Variants in WBP2NL observed in about 807,000 individuals in gnomAD.
WBP2NL encodes the protein WBP2 N-terminal like.
In WBP2NL, 27 loss-of-function variants were observed where a neutral mutation model predicts 23.3. The observed-to-expected ratio is 1.16, with a 90% CI of 0.85 to 1.60. WBP2NL has a LOEUF of 1.60. Ranked by LOEUF, WBP2NL falls within the 40% of genes most tolerant of loss-of-function variation. WBP2NL has a pLI of 0.00. For synonymous variants in WBP2NL, 151 were observed against 145.9 expected, an observed-to-expected ratio of 1.03 and a Z score of -0.25; for missense variants, 370 against 389.5, an observed-to-expected ratio of 0.95 and a Z score of 0.42.
downstream of WBP2NL, among the ~76,000 whole-genome samples, chr22:42,028,991 G>A (rs1924739859): frequency 1.3e-5 from 2 of 152,296 alleles, no homozygotes; most frequent in East Asian, 1.9e-4. Flanking sequence ...TCCCTGGGGG[G>A]CAGTACCATC....
chr22:42,047,388 G>A (rs1205862396), intron 8 of WBP2NL, among the ~76,000 whole-genome samples: 1 of 150,954 alleles, frequency 6.6e-6, no homozygotes, highest in African/African-American at 2.4e-5. Flanking sequence ...CTCATGCCTC[G>A]AGACCAGCCT....
At chr22:42,053,983 C>G (rs1925937399) in intron 8 of WBP2NL, among the ~76,000 whole-genome samples, 1 of 152,014 alleles carries the variant, frequency 6.6e-6, no homozygotes, top group South Asian at 2.1e-4. Context: ...AAAAATGAGA[C>G]AAGGTCTTAC....
chr22:42,042,344 A>G (rs1006884839), intron 8 of WBP2NL, among the ~76,000 whole-genome samples: 4 of 152,110 alleles, frequency 2.6e-5, no homozygotes, highest in Non-Finnish European at 5.9e-5. Context: ...CTTTCTTCGT[A>G]CATTTTAGTT....
At chr22:42,003,267 T>C (rs1921884866) in intron 1 of WBP2NL, 1 of 152,490 alleles carries the variant, frequency 6.6e-6, no homozygotes, top group Admixed American at 6.6e-5. Context: ...CTGTAAAACA[T>C]TGTGAAATCA....
chr22:42,007,826 C>G (rs1381557776), intron 1 of WBP2NL, among the ~76,000 whole-genome samples: 1 of 143,926 alleles, frequency 6.9e-6, no homozygotes, highest in Non-Finnish European at 1.5e-5. Context: ...GTTGCTTCCA[C>G]CTCCTGGTTA....
intron 8 of WBP2NL, among the ~76,000 whole-genome samples, chr22:42,048,743 G>A (rs1373504293): frequency 2.8e-5 from 4 of 140,602 alleles, no homozygotes; most frequent in East Asian, 2.2e-4. Flanking sequence ...GCGACAGAGC[G>A]AGACTCGGTC....
chr22:42,022,069 G>A (rs1924030767), intron 4 of WBP2NL, among the ~76,000 whole-genome samples, 180 bp from the exon 5 acceptor site: 2 of 151,892 alleles, frequency 1.3e-5, no homozygotes, highest in Admixed American at 1.3e-4. Context: ...TAAAATGTTG[G>A]GATTACAGGT....
intron 5 of WBP2NL, among the ~76,000 whole-genome samples, chr22:42,026,273 A>AAATAATAAT (rs3045492): frequency 3.1e-4 from 43 of 140,312 alleles, no homozygotes; most frequent in African/African-American, 4.5e-4. Flanking sequence ...CCCCCTCTCA[A>AAATAATAAT]AATAATAATA....
intron 5 of WBP2NL, among the ~76,000 whole-genome samples, chr22:42,023,189 GTT>G (rs133343): frequency 6.7e-6 from 1 of 149,948 alleles, no homozygotes; most frequent in Non-Finnish European, 1.5e-5. Flanking sequence ...AAAAAGTGGT[GTT>G]TTTTTTTTTT....
chr22:42,052,793 C>A (rs1602484174), intron 8 of WBP2NL, among the ~76,000 whole-genome samples: 1 of 152,218 alleles, frequency 6.6e-6, no homozygotes, highest in Non-Finnish European at 1.5e-5. Context: ...ACTGCGATCA[C>A]CCCTGTCCCA....
At chr22:42,019,860 T>G (rs1923719651) in intron 3 of WBP2NL, 57 bp downstream of exon 3, 1 of 1,606,962 alleles carries the variant, frequency 6.2e-7, no homozygotes, top group Non-Finnish European at 8.5e-7. Flanking sequence ...TCTAAAAGGT[T>G]TAAGATTCAA....
At chr22:42,029,724 C>G (rs1433122113), downstream of WBP2NL, among the ~76,000 whole-genome samples, 4 of 152,136 alleles carry the variant, frequency 2.6e-5, no homozygotes, top group Non-Finnish European at 1.5e-5. Context: ...AATGTTTCAC[C>G]AGATATTTTA....
intron 1 of WBP2NL, among the ~76,000 whole-genome samples, chr22:41,999,362 G>A (rs1029427131): frequency 1.3e-5 from 2 of 152,232 alleles, no homozygotes; most frequent in African/African-American, 4.8e-5. Context: ...GGATGAGGAG[G>A]TCGAGTGTGG....
downstream of WBP2NL, chr22:42,032,647 G>A: frequency 2.5e-6 from 1 of 394,294 alleles, no homozygotes; most frequent in South Asian, 2.0e-5. Flanking sequence ...TCATTGTCAG[G>A]TAGGAAGTGA....
At chr22:42,050,846 C>G (rs1448255939) in intron 8 of WBP2NL, among the ~76,000 whole-genome samples, 2 of 152,124 alleles carry the variant, frequency 1.3e-5, no homozygotes, top group African/African-American at 4.8e-5. Flanking sequence ...GCTGACAACA[C>G]CAAATTCTGG....
At chr22:42,022,463 T>A in intron 5 of WBP2NL, 107 bp downstream of exon 5, 1 of 1,029,054 alleles carries the variant, frequency 9.7e-7, no homozygotes, top group South Asian at 1.6e-5. Flanking sequence ...AGCAGAGCTT[T>A]AGGGGCTTGG....
At chr22:42,001,061 G>A (rs1921612481) in intron 1 of WBP2NL, 2 of 841,464 alleles carry the variant, frequency 2.4e-6, no homozygotes, top group Non-Finnish European at 3.9e-6. Context: ...AAAATCTTAG[G>A]AAATAACTTA....
chr22:42,032,454 A>C, downstream of WBP2NL: 1 of 226,928 alleles, frequency 4.4e-6, no homozygotes, highest in South Asian at 5.7e-5. Flanking sequence ...CATCTATCCT[A>C]ATCCAAATCT....
chr22:42,023,717 G>C (rs1005436233), intron 5 of WBP2NL, among the ~76,000 whole-genome samples: 1 of 151,304 alleles, frequency 6.6e-6, no homozygotes, highest in Admixed American at 6.6e-5. Flanking sequence ...GGATGGTCTC[G>C]ATCTCCTGAC....
Sources: allele counts gnomAD v4.1 joint callset (sites outside exome capture counted in the v4.1 genomes callset), GRCh38; gene constraint gnomAD v4.1.1; transcripts MANE v1.5; gene names NCBI Gene and HGNC (gene_info 2026-07-23, HGNC 2026-07-21).